Variants in COG5 observed in about 807,000 individuals in gnomAD.
COG5 encodes the protein conserved oligomeric Golgi complex subunit 5.
A neutral mutation model predicts 110.4 loss-of-function variants in COG5; 86 were observed. The observed-to-expected ratio is 0.78, with a 90% CI of 0.65 to 0.93. The LOEUF is 0.93. Among genes scored for constraint, COG5 ranks in the 40% least tolerant of loss-of-function variants. COG5 has a pLI of 0.00. For missense variants in COG5, 1,077 were observed against 987.0 expected, an observed-to-expected ratio of 1.09 and a Z score of -1.22; for synonymous variants, 360 against 334.6, an observed-to-expected ratio of 1.08 and a Z score of -0.83.
chr7:107,399,440 T>C (rs894731479), intron 7 of COG5, among the ~76,000 whole-genome samples: 2 of 152,076 alleles, frequency 1.3e-5, no homozygotes, highest in Admixed American at 6.6e-5. Context: ...GCTGTTCTCA[T>C]GATAGTGAGT....
intron 19 of COG5, among the ~76,000 whole-genome samples, chr7:107,230,341 T>TA (rs879651820): frequency 6.1e-4 from 90 of 147,008 alleles, no homozygotes; most frequent in African/African-American, 1.7e-3. Flanking sequence ...AAGCTAAAAA[T>TA]AAAAAAAAAA....
intron 21 of COG5, chr7:107,209,271 C>T: frequency 6.1e-6 from 6 of 981,156 alleles, no homozygotes; most frequent in Non-Finnish European, 3.6e-6. Flanking sequence ...ATAAGGATGA[C>T]AGAGGAGTTG....
chr7:107,547,956 C>T (rs1052507890), intron 5 of COG5, 155 bp downstream of exon 5: 2 of 656,386 alleles, frequency 3.0e-6, no homozygotes, highest in Non-Finnish European at 2.7e-6. Flanking sequence ...ATTTTTTGAG[C>T]TAGACATCTT....
intron 17 of COG5, among the ~76,000 whole-genome samples, chr7:107,243,667 G>A (rs972566722): frequency 2.0e-5 from 3 of 152,134 alleles, no homozygotes; most frequent in East Asian, 3.9e-4. Flanking sequence ...TGGACCAAAT[G>A]CAACTGATAG....
intron 5 of COG5, among the ~76,000 whole-genome samples, chr7:107,530,372 C>T (rs143534945): frequency 1.7e-3 from 264 of 152,230 alleles, no homozygotes; most frequent in African/African-American, 5.9e-3. Context: ...GAGGCCAAGG[C>T]GGGCGGATCA....
In COG5 at chr7:107,340,632, A is replaced by T. The variant is rs1056507961; in HGVS notation, c.1027-16111T>A. 4.5e-4 allele frequency among the ~76,000 whole-genome samples: 68 copies of T among 152,338 alleles called. 1 individual carries two copies. Among genetic ancestry groups the T allele is most frequent in the African/African-American group, 1.6e-3 (67 of 41,584 alleles). ...ATAAACATAGATGTAAAAATTCCCA[A>T]CAAAATACTAGCAAATGGAATCCAA... On this transcript the variant is annotated intron_variant, in intron 10 of 21. Transcript: ENST00000297135.
intron 6 of COG5, among the ~76,000 whole-genome samples, chr7:107,506,911 G>C (rs1323291578): frequency 6.6e-6 from 1 of 152,220 alleles, no homozygotes; most frequent in African/African-American, 2.4e-5. Flanking sequence ...ACTGCTTCCT[G>C]AGTTAGCTGG....
intron 12 of COG5, among the ~76,000 whole-genome samples, chr7:107,292,637 A>C (rs1413415567): frequency 2.0e-5 from 3 of 152,180 alleles, no homozygotes; most frequent in Non-Finnish European, 4.4e-5. Context: ...CCCGTTTAGG[A>C]TTTAAAAAGT....
At chr7:107,410,567 C>A (rs940608001) in intron 7 of COG5, among the ~76,000 whole-genome samples, 2 of 152,010 alleles carry the variant, frequency 1.3e-5, no homozygotes, top group African/African-American at 4.8e-5. Context: ...CTCAGCCTCC[C>A]GAGTCGCTGG....
Position 107,438,499 on chromosome 7 carries a change from GA to G in COG5, c.539-25868del, listed in dbSNP as rs1794496629. 2.6e-5 allele frequency among the ~76,000 whole-genome samples: 4 copies of G among 152,174 alleles called. No individual in the cohort carries two copies. In the South Asian group the frequency reaches 6.2e-4, roughly 24 times the overall value. On this transcript the variant is annotated intron_variant, in intron 6 of 21. Transcript: ENST00000297135. Reference sequence around the variant, plus strand: ...TTTATCTTTCGTTGAGGTTTCTCCTGAGTGATGTGCACTGCACACGTTAGCA... The same window carrying G: ...TTTATCTTTCGTTGAGGTTTCTCCTGGTGATGTGCACTGCACACGTTAGCA...
At chr7:107,354,492 T>TCG (rs1162365419) in intron 10 of COG5, among the ~76,000 whole-genome samples, 104 of 152,174 alleles carry the variant, frequency 6.8e-4, no homozygotes, top group Non-Finnish European at 1.4e-3. Flanking sequence ...GTCCTACCCA[T>TCG]ATGGTGAAAC....
chr7:107,311,369 C>CTTTTTTTT (rs1363120352), intron 11 of COG5, among the ~76,000 whole-genome samples: 1 of 82,684 alleles, frequency 1.2e-5, no homozygotes, highest in Non-Finnish European at 2.7e-5. Context: ...AGCGTATTTA[C>CTTTTTTTT]ATTTTTTTTT....
chr7:107,254,951 A>G lies in COG5; in HGVS notation c.1749+1781T>C, dbSNP rs1802772153. Among the ~76,000 whole-genome samples, 3 of 152,306 alleles carry G rather than the reference A, an allele frequency of 2.0e-5. No homozygotes were observed. In the South Asian group the frequency reaches 6.2e-4, roughly 32 times the overall value. ...AATAGACTAGCATAGAAAATATTAG[A>G]ATGCGTACACAAAATAAGGATAAGT... is the stretch of plus-strand genomic sequence containing the variant. On this transcript the variant is annotated intron_variant, in intron 16 of 21. Coordinates refer to ENST00000297135, the MANE Select transcript of COG5 (RefSeq NM_006348.5).
chr7:107,551,566 T>G (rs1345703715), intron 3 of COG5, among the ~76,000 whole-genome samples: 1 of 152,176 alleles, frequency 6.6e-6, no homozygotes, highest in Non-Finnish European at 1.5e-5. Context: ...AAATAACATC[T>G]AGACACATCA....
chr7:107,248,756 T>G (rs1329136114), intron 16 of COG5, among the ~76,000 whole-genome samples: 1 of 152,124 alleles, frequency 6.6e-6, no homozygotes, highest in African/African-American at 2.4e-5. Flanking sequence ...AGTGGTTAAA[T>G]AAGCCCATGA....
chr7:107,361,008 A>G (rs756970387), intron 10 of COG5, among the ~76,000 whole-genome samples: 7 of 152,154 alleles, frequency 4.6e-5, no homozygotes, highest in Non-Finnish European at 8.8e-5. Flanking sequence ...CTCCTAATAA[A>G]TCATCAAACT....
At position 107,269,070 on chromosome 7, in the gene COG5, CA is replaced by C. The variant is rs201555864; in HGVS notation, c.1576-10688del. On this transcript the variant is annotated intron_variant, in intron 14 of 21. Coordinates refer to ENST00000297135, the MANE Select transcript of COG5 (RefSeq NM_006348.5). The stretch of plus-strand genomic sequence containing the variant: ...GCTTCTTTTGTTTCTGTATATTTTT[CA>C]GCCTTTTACTCAACTGATAGTTTCC... 6.2e-3 allele frequency among the ~76,000 whole-genome samples: 945 copies of C among 152,230 alleles called. 15 individuals carry two copies. The highest frequency in any genetic ancestry group is 0.022 in the African/African-American group (899 of 41,524).
At chr7:107,480,401 C>T (rs891683574) in intron 6 of COG5, among the ~76,000 whole-genome samples, 1 of 152,028 alleles carries the variant, frequency 6.6e-6, no homozygotes, top group Admixed American at 6.6e-5. Context: ...TGAATGTAAG[C>T]CCCCACTCAG....
At chr7:107,325,171 CAA>C (rs1196120960) in intron 10 of COG5, among the ~76,000 whole-genome samples, 2 of 151,992 alleles carry the variant, frequency 1.3e-5, no homozygotes, top group Non-Finnish European at 2.9e-5. Context: ...AAAGAAAAGA[CAA>C]ATATTAATTA....
Sources: allele counts gnomAD v4.1 joint callset (sites outside exome capture counted in the v4.1 genomes callset), GRCh38; gene constraint gnomAD v4.1.1; transcripts MANE v1.5; gene names NCBI Gene and HGNC (gene_info 2026-07-23, HGNC 2026-07-21).